Variants in CAMTA1 observed in about 807,000 individuals in gnomAD.
The protein encoded by CAMTA1 is calmodulin binding transcription activator 1, also known as calmodulin-binding transcription activator 1.
A neutral mutation model predicts 170.9 loss-of-function variants in CAMTA1; 27 were observed. The ratio of observed to expected loss-of-function variants is 0.16; its 90% CI spans 0.12 to 0.22. The LOEUF (loss-of-function observed/expected upper bound fraction) is 0.22, where lower values mean the gene tolerates loss of function less well. Ranked by LOEUF, CAMTA1 falls within the 10% of genes least tolerant of loss-of-function variation. CAMTA1 has a pLI of 1.00. For missense variants in CAMTA1, 1,619 were observed against 2,217.2 expected, an observed-to-expected ratio of 0.73 and a Z score of 5.42; for synonymous variants, 833 against 891.5, an observed-to-expected ratio of 0.93 and a Z score of 1.17.
chr1:7,493,822 T>C (rs2093780914), intron 6 of CAMTA1, among the ~76,000 whole-genome samples: 1 of 152,148 alleles, frequency 6.6e-6, no homozygotes, highest in Non-Finnish European at 1.5e-5. Context: ...GTCTTGTGGG[T>C]GTGTGCTCTG....
chr1:7,170,973 G>A (rs72859242), intron 4 of CAMTA1, among the ~76,000 whole-genome samples: 2,513 of 152,188 alleles, frequency 0.017, 67 homozygotes, highest in African/African-American at 0.053. Flanking sequence ...AATCAAGTTT[G>A]TTAATCATGT....
At chr1:7,148,635 G>A (rs1052734041) in intron 4 of CAMTA1, among the ~76,000 whole-genome samples, 1 of 152,122 alleles carries the variant, frequency 6.6e-6, no homozygotes, top group Non-Finnish European at 1.5e-5. Flanking sequence ...GTGGCCAGCC[G>A]GCCCATTCAG....
intron 6 of CAMTA1, among the ~76,000 whole-genome samples, chr1:7,594,044 C>T (rs879487144): frequency 1.6e-5 from 1 of 62,894 alleles, no homozygotes; most frequent in Non-Finnish European, 3.0e-5. Flanking sequence ...TCTGTTAAAA[C>T]AAAAAAGAGA....
intron 3 of CAMTA1, among the ~76,000 whole-genome samples, chr1:6,977,328 A>G (rs1693619713): frequency 6.6e-6 from 1 of 151,422 alleles, no homozygotes; most frequent in African/African-American, 2.4e-5. Flanking sequence ...GTACTGGGCA[A>G]AGCTTTTTTT....
chr1:6,932,644 G>A (rs1047646599), intron 3 of CAMTA1, among the ~76,000 whole-genome samples: 4 of 152,092 alleles, frequency 2.6e-5, no homozygotes, highest in Non-Finnish European at 4.4e-5. Flanking sequence ...CTCTACATCC[G>A]CGCCAACCCT....
chr1:7,458,558 C>T (rs899188152), intron 5 of CAMTA1, among the ~76,000 whole-genome samples: 1 of 152,186 alleles, frequency 6.6e-6, no homozygotes, highest in African/African-American at 2.4e-5. Context: ...TTTTGGGGAG[C>T]CTTCCCGCCC....
At chr1:7,473,385 A>G (rs2093366532) in intron 6 of CAMTA1, among the ~76,000 whole-genome samples, 1 of 152,174 alleles carries the variant, frequency 6.6e-6, no homozygotes, top group African/African-American at 2.4e-5. Flanking sequence ...AGGGACCGGC[A>G]GTCCTAGAGC....
intron 7 of CAMTA1, among the ~76,000 whole-genome samples, chr1:7,661,026 C>T (rs2095951752): frequency 6.6e-6 from 1 of 152,236 alleles, no homozygotes; most frequent in East Asian, 1.9e-4. Context: ...CCAGGAACTG[C>T]AAAAGTGCAG....
chr1:7,059,700 G>A (rs1707914201), intron 3 of CAMTA1, among the ~76,000 whole-genome samples: 1 of 152,148 alleles, frequency 6.6e-6, no homozygotes. Flanking sequence ...CTTGTTCGAA[G>A]GATGACCTCT....
intron 3 of CAMTA1, among the ~76,000 whole-genome samples, chr1:6,881,094 G>A (rs1410978770): frequency 6.6e-6 from 1 of 152,178 alleles, no homozygotes; most frequent in Non-Finnish European, 1.5e-5. Flanking sequence ...AACTTGCTCA[G>A]TGTCACATAG....
chr1:7,238,442 A>T (rs1664284173), intron 4 of CAMTA1, among the ~76,000 whole-genome samples: 1 of 152,266 alleles, frequency 6.6e-6, no homozygotes, highest in African/African-American at 2.4e-5. Context: ...AGCATTAAGC[A>T]GTTAATGTAC....
rs1553129306 is a variant in CAMTA1, at chr1:7,310,643, T to TCTTTCTTTTTTC, written c.438+61021_438+61022insCTTTTTTCCTTT. Among the ~76,000 whole-genome samples the TCTTTCTTTTTTC allele has an allele frequency of 1.9e-3, 55 of 29,414 alleles. 1 individual carries two copies. The highest frequency in any genetic ancestry group is 6.0e-3 in the African/African-American group (46 of 7,644). 19.3% of individuals were successfully genotyped at this position (29,414 alleles called of 152,430 possible). On this transcript the variant is annotated intron_variant, in intron 5 of 22. Transcript: ENST00000303635. ...TTCTTTCTTTCTTTCTTTCTTTCTT[T>TCTTTCTTTTTTC]CTTTTTTCTTTCTTTCTTTCTTTCT...
intron 3 of CAMTA1, among the ~76,000 whole-genome samples, chr1:6,966,206 G>C (rs548894447): frequency 6.6e-6 from 1 of 151,992 alleles, no homozygotes; most frequent in Admixed American, 6.6e-5. Flanking sequence ...AACATATCAC[G>C]CAATTTACTC....
chr1:7,745,363 C>A (rs2150101293), intron 17 of CAMTA1, among the ~76,000 whole-genome samples: 1 of 152,142 alleles, frequency 6.6e-6, no homozygotes, highest in South Asian at 2.1e-4. Flanking sequence ...CCCGTCTCTA[C>A]TAAAAATACA....
At chr1:7,026,251 G>A (rs951366222) in intron 3 of CAMTA1, among the ~76,000 whole-genome samples, 4 of 152,224 alleles carry the variant, frequency 2.6e-5, no homozygotes, top group South Asian at 2.1e-4. Flanking sequence ...AGAGCGAGGC[G>A]TGAGGCAGGC....
rs1383172302 is a variant in CAMTA1, at chr1:7,129,231, T to G, written c.302+37860T>G. Among the ~76,000 whole-genome samples the G allele has an allele frequency of 5.8e-4, 88 of 152,230 alleles. 1 individual carries two copies. The highest frequency in any genetic ancestry group is 5.7e-3 in the Admixed American group (87 of 15,290). Reference sequence around the variant, plus strand: ...GACTTGCCATGAATTTGGGTCCATCTGGCTTCTATTAGGTTGGTGTAAACT... The same window carrying G: ...GACTTGCCATGAATTTGGGTCCATCGGGCTTCTATTAGGTTGGTGTAAACT... On this transcript the variant is annotated intron_variant, in intron 4 of 22. Transcript: ENST00000303635.
chr1:7,104,069 C>T (rs893744523), intron 4 of CAMTA1, among the ~76,000 whole-genome samples: 1 of 150,976 alleles, frequency 6.6e-6, no homozygotes, highest in Admixed American at 6.6e-5. Context: ...GATGTACACA[C>T]TACACAGATG....
At chr1:7,266,334 C>T (rs1036155967) in intron 5 of CAMTA1, among the ~76,000 whole-genome samples, 3 of 152,170 alleles carry the variant, frequency 2.0e-5, no homozygotes, top group East Asian at 1.9e-4. Context: ...TGGCTGGGAG[C>T]GCCACTGTGG....
Position 7,495,582 on chromosome 1 carries a change from G to A in CAMTA1, c.510+27681G>A, listed in dbSNP as rs370103861. ...GAGTCGGGTTGTCAGGACTCTTGAT[G>A]CCTGGCCTCTCATTCCTGGACTGGC... On this transcript the variant is annotated intron_variant, in intron 6 of 22. Coordinates refer to ENST00000303635, the MANE Select transcript of CAMTA1 (RefSeq NM_015215.4). 2.0e-5 allele frequency among the ~76,000 whole-genome samples: 3 copies of A among 152,318 alleles called. No homozygotes were observed. In the East Asian group the frequency reaches 5.8e-4, roughly 29 times the overall value.
Sources: allele counts gnomAD v4.1 joint callset (sites outside exome capture counted in the v4.1 genomes callset), GRCh38; gene constraint gnomAD v4.1.1; transcripts MANE v1.5; gene names NCBI Gene and HGNC (gene_info 2026-07-23, HGNC 2026-07-21).